CEP128: variants seen among roughly 807,000 people sequenced by gnomAD.
The protein encoded by CEP128 is centrosomal protein 128kDa.
A neutral mutation model predicts 156.7 loss-of-function variants in CEP128; 132 were observed. The ratio of observed to expected loss-of-function variants is 0.84; its 90% CI spans 0.73 to 0.97. The LOEUF (loss-of-function observed/expected upper bound fraction) is 0.97. CEP128 is among the 50% of genes least tolerant of loss of function. The pLI is 0.00. For missense variants in CEP128, 1,252 were observed against 1,281.9 expected, an observed-to-expected ratio of 0.98 and a Z score of 0.36; for synonymous variants, 469 against 448.9, an observed-to-expected ratio of 1.04 and a Z score of -0.57.
chr14:80,524,170 C>T lies in CEP128; in HGVS notation c.3072+2699G>A, dbSNP rs186975315. On this transcript the variant is annotated intron_variant, in intron 23 of 24. Coordinates refer to ENST00000555265, the MANE Select transcript of CEP128 (RefSeq NM_152446.5). ...TTTATACATTTGTTCCCCAACCCCA[C>T]ACCCACAGGTACTGTGTTTTGCAAC... is the stretch of plus-strand genomic sequence containing the variant. 3.0e-3 allele frequency among the ~76,000 whole-genome samples: 458 copies of T among 152,310 alleles called. 1 individual carries two copies. Among genetic ancestry groups the T allele is most frequent in the African/African-American group, 0.011 (444 of 41,584 alleles).
At chr14:80,717,416 G>A (rs528464185) in intron 19 of CEP128, among the ~76,000 whole-genome samples, 1 of 152,192 alleles carries the variant, frequency 6.6e-6, no homozygotes, top group East Asian at 1.9e-4. Context: ...CAAATCAGCT[G>A]GCAGAGACTA....
intron 8 of CEP128, among the ~76,000 whole-genome samples, chr14:80,879,669 A>G (rs1888438687): frequency 6.6e-6 from 1 of 152,196 alleles, no homozygotes; most frequent in African/African-American, 2.4e-5. Flanking sequence ...AGAACGAAAA[A>G]GAGTAAAGAC....
intron 20 of CEP128, among the ~76,000 whole-genome samples, chr14:80,560,252 A>T (rs1530772): frequency 1.3e-5 from 2 of 151,834 alleles, no homozygotes; most frequent in Non-Finnish European, 1.5e-5. Context: ...CTGGCAAAAC[A>T]CTGTCTCTAC....
intron 18 of CEP128, among the ~76,000 whole-genome samples, chr14:80,752,280 T>C (rs867549820): frequency 6.6e-6 from 1 of 152,216 alleles, no homozygotes; most frequent in Admixed American, 6.5e-5. Context: ...GGCAATTTTT[T>C]AGAATGTGGT....
intron 13 of CEP128, among the ~76,000 whole-genome samples, chr14:80,806,025 T>A (rs970678358): frequency 3.9e-5 from 6 of 152,220 alleles, no homozygotes; most frequent in African/African-American, 1.4e-4. Context: ...TCAGGGGCCA[T>A]GGTAATAACC....
intron 7 of CEP128, among the ~76,000 whole-genome samples, chr14:80,898,947 C>T (rs1883370942): frequency 6.6e-6 from 1 of 152,184 alleles, no homozygotes; most frequent in African/African-American, 2.4e-5. Flanking sequence ...GACTCCACTA[C>T]AACCCTCCTG....
At chr14:80,858,122 A>G (rs1411093660) in intron 9 of CEP128, among the ~76,000 whole-genome samples, 6 of 152,024 alleles carry the variant, frequency 3.9e-5, no homozygotes, top group African/African-American at 1.5e-4. Flanking sequence ...AGCTGGAGGC[A>G]TCACACTACC....
chr14:80,855,553 G>T (rs1887108684), intron 9 of CEP128, among the ~76,000 whole-genome samples: 1 of 151,992 alleles, frequency 6.6e-6, no homozygotes, highest in South Asian at 2.1e-4. Flanking sequence ...ATGCAAAAAT[G>T]TACGAGATGA....
At position 80,761,473 on chromosome 14, in the gene CEP128, A is replaced by G; in HGVS notation, c.2517T>C (p.Cys839=). ...CCACTGAGTCCTTGGAGAATGTTTTACAAGCTGCATCAATTTCCTTTCCTA... is the reference window on the plus strand; with the variant it reads ...CCACTGAGTCCTTGGAGAATGTTTTGCAAGCTGCATCAATTTCCTTTCCTA... ...GVIGKEIDAA[C]KTFSKDSVEK... The change falls in exon 17 of 25, where the codon TGT becomes TGC. Residue 839 remains cysteine (C), a synonymous_variant. Transcript: ENST00000555265. 6.2e-7 allele frequency: 1 copy of G among 1,611,782 alleles called. No homozygotes were observed. The highest frequency in any genetic ancestry group is 8.5e-7 in the Non-Finnish European group (1 of 1,178,500).
chr14:80,654,414 A>C (rs1024896094), intron 19 of CEP128, among the ~76,000 whole-genome samples: 2 of 152,190 alleles, frequency 1.3e-5, no homozygotes, highest in Non-Finnish European at 2.9e-5. Flanking sequence ...GGATATGGGA[A>C]GTAAAGAACT....
intron 13 of CEP128, among the ~76,000 whole-genome samples, chr14:80,811,785 G>A (rs185590378): frequency 2.4e-3 from 327 of 135,476 alleles, no homozygotes; most frequent in African/African-American, 9.2e-3. Context: ...TCTCTTCTGC[G>A]TCTGTGTGTG....
chr14:80,879,833 G>A (rs1888448543), intron 8 of CEP128, among the ~76,000 whole-genome samples: 1 of 110,790 alleles, frequency 9.0e-6, no homozygotes, highest in African/African-American at 3.7e-5. Flanking sequence ...AAGCTCAAAT[G>A]TTCCCAGATT....
chr14:80,722,216 T>C (rs1446062239), intron 19 of CEP128, among the ~76,000 whole-genome samples: 1 of 152,116 alleles, frequency 6.6e-6, no homozygotes, highest in Non-Finnish European at 1.5e-5. Flanking sequence ...CCATCAAGGA[T>C]GTTCAGTTCA....
intron 19 of CEP128, among the ~76,000 whole-genome samples, chr14:80,671,893 C>T (rs1175942180): frequency 7.5e-6 from 1 of 133,210 alleles, no homozygotes; most frequent in Non-Finnish European, 1.6e-5. Context: ...TAGTGGGGAA[C>T]GTAGAGGGGA....
At chr14:80,590,592 T>C (rs1435297028) in intron 19 of CEP128, among the ~76,000 whole-genome samples, 1 of 151,008 alleles carries the variant, frequency 6.6e-6, no homozygotes, top group Non-Finnish European at 1.5e-5. Context: ...TCCTGAAGAA[T>C]GACTAAAAGA....
At chr14:80,927,593 G>C (rs1371573357) in intron 2 of CEP128, among the ~76,000 whole-genome samples, 2 of 152,208 alleles carry the variant, frequency 1.3e-5, no homozygotes, top group Non-Finnish European at 2.9e-5. Context: ...TTCGTGCAGA[G>C]TGTGACTGGG....
chr14:80,493,411 G>A (rs1265504079), downstream of CEP128, among the ~76,000 whole-genome samples: 1 of 152,166 alleles, frequency 6.6e-6, no homozygotes, highest in African/African-American at 2.4e-5. Context: ...GCCATCAGAT[G>A]ATATATTGTT....
chr14:80,695,667 A>G (rs1230191734), intron 19 of CEP128, among the ~76,000 whole-genome samples: 1 of 150,942 alleles, frequency 6.6e-6, no homozygotes, highest in Non-Finnish European at 1.5e-5. Flanking sequence ...CATTGAGCCA[A>G]GATCACACCA....
intron 13 of CEP128, among the ~76,000 whole-genome samples, chr14:80,794,644 T>C (rs1901891582): frequency 6.6e-6 from 1 of 152,130 alleles, no homozygotes; most frequent in Non-Finnish European, 1.5e-5. Context: ...GGAAAGAAAG[T>C]GGTTATACTT....
Sources: allele counts gnomAD v4.1 joint callset (sites outside exome capture counted in the v4.1 genomes callset), GRCh38; gene constraint gnomAD v4.1.1; transcripts MANE v1.5; gene names NCBI Gene and HGNC (gene_info 2026-07-23, HGNC 2026-07-21).